The following NHS variants were observed in gnomAD, a reference collection of about 807,000 sequenced individuals.
NHS encodes actin remodeling regulator NHS.
A neutral mutation model predicts 72.5 loss-of-function variants in NHS; 5 were observed. The ratio of observed to expected loss-of-function variants is 0.07; its 90% CI spans 0.04 to 0.14. NHS has a LOEUF of 0.14. Among genes scored for constraint, NHS ranks in the 10% least tolerant of loss-of-function variants. The probability of loss-of-function intolerance (pLI) is 1.00; values close to 1 mark genes in which losing one functional copy is unlikely to be tolerated. For missense variants in NHS, 1,072 were observed against 1,355.7 expected, an observed-to-expected ratio of 0.79 and a Z score of 3.29; for synonymous variants, 464 against 547.7, an observed-to-expected ratio of 0.85 and a Z score of 2.13.
At chrX:17,687,283 C>G in intron 1 of NHS, 1 of 187,447 alleles carries the variant, frequency 5.3e-6, no homozygotes, top group Non-Finnish European at 1.0e-5. Context: ...TTCAGGTGGA[C>G]AGCAGGGGCG....
At chrX:17,495,818 G>T (rs766035534) in intron 1 of NHS, among the ~76,000 whole-genome samples, 79 of 111,964 alleles carry the variant, frequency 7.1e-4, no homozygotes, top group Admixed American at 6.9e-3. Context: ...ATAAGGAATT[G>T]GCTCCACTGG....
intron 1 of NHS, among the ~76,000 whole-genome samples, chrX:17,637,385 G>C (rs1213711800): frequency 9.0e-6 from 1 of 111,595 alleles, no homozygotes; most frequent in Non-Finnish European, 1.9e-5. Flanking sequence ...AGACCAGGAA[G>C]GGACTGGGCG....
intron 1 of NHS, among the ~76,000 whole-genome samples, chrX:17,671,770 A>G (rs2066047618): frequency 8.9e-6 from 1 of 112,229 alleles, no homozygotes; most frequent in Admixed American, 9.4e-5. Context: ...CATTTGTATA[A>G]TAGTAGTCTA....
At chrX:17,500,947 T>C (rs1272420588) in intron 1 of NHS, among the ~76,000 whole-genome samples, 1 of 49,844 alleles carries the variant, frequency 2.0e-5, no homozygotes, top group Non-Finnish European at 4.5e-5. Flanking sequence ...GTTGTGTAAA[T>C]TGCCTGTCAT....
In NHS at chrX:17,732,520, G is replaced by A. The variant is rs1204450088; in HGVS notation, c.*56G>A. 1 of 1,208,235 alleles carries A rather than the reference G, an allele frequency of 8.3e-7. No homozygotes were observed. The highest frequency in any genetic ancestry group is 1.1e-6 in the Non-Finnish European group (1 of 892,865). On this transcript the variant is annotated 3_prime_UTR_variant, in exon 9 of 9. Coordinates refer to ENST00000676302, the MANE Select transcript of NHS (RefSeq NM_001291867.2). ...CAAAACCCTTACTCACATGAGGATG[G>A]AGGAACAGAACAGAGGACTTGGGAA...
chrX:17,669,360 C>A (rs1440932076), intron 1 of NHS, among the ~76,000 whole-genome samples: 1 of 111,858 alleles, frequency 8.9e-6, no homozygotes, highest in Non-Finnish European at 1.9e-5. Flanking sequence ...AGAAGCAGGG[C>A]AGAAATCAGT....
rs768477538 is a variant in NHS at position 17,727,022 on chromosome X, C to T, written c.2916C>T (p.Thr972=). ...SLSNSSTATG[T]TVIECIKSPE... ...CTAATTCAAGCACCGCTACGGGTAC[C>T]ACAGTCATTGAATGCATCAAATCTC... The change falls in exon 7 of 9, where the codon ACC becomes ACT. Residue 972 remains threonine (T), a synonymous_variant. Transcript: ENST00000676302. 3.3e-6 allele frequency: 4 copies of T among 1,211,838 alleles called. No individual in the cohort carries two copies. Among genetic ancestry groups the T allele is most frequent in the East Asian group, 5.9e-5 (2 of 33,826 alleles).
intron 1 of NHS, among the ~76,000 whole-genome samples, chrX:17,566,047 C>T (rs930329314): frequency 3.7e-5 from 4 of 107,770 alleles, no homozygotes; most frequent in African/African-American, 6.8e-5. Flanking sequence ...GGTGTGATCA[C>T]GGCTCACTGC....
At chrX:17,474,211 G>A (rs1472857693) in intron 1 of NHS, among the ~76,000 whole-genome samples, 3 of 111,435 alleles carry the variant, frequency 2.7e-5, no homozygotes, top group African/African-American at 9.8e-5. Context: ...TGAGAAAAAT[G>A]GTGAATCCTT....
chrX:17,620,143 G>A (rs2065765828), intron 1 of NHS, among the ~76,000 whole-genome samples: 1 of 111,820 alleles, frequency 8.9e-6, no homozygotes, highest in African/African-American at 3.3e-5. Flanking sequence ...AAGGCAGGCT[G>A]TATTTTTTTT....
intron 1 of NHS, among the ~76,000 whole-genome samples, chrX:17,447,396 A>ATTT (rs780098067): frequency 3.7e-5 from 4 of 107,663 alleles, no homozygotes; most frequent in African/African-American, 1.0e-4. Flanking sequence ...GCGTTGGTTG[A>ATTT]TTTTTTTTTT....
In NHS at chrX:17,376,093, G is replaced by T; in HGVS notation, c.336G>T (p.Ala112=). ...AAPAAGEASS[A]AAAAAVLLML... is the part of the protein sequence containing the mutation. ...CCGCAGCCGGCGAGGCGTCCTCGGCGGCGGCGGCGGCGGCCGTGCTGCTCA... is the reference window on the plus strand; with the variant it reads ...CCGCAGCCGGCGAGGCGTCCTCGGCTGCGGCGGCGGCGGCCGTGCTGCTCA... Residue 112 remains alanine (A), a synonymous_variant, in exon 1 of 9, where the codon GCG becomes GCT. Coordinates refer to ENST00000676302, the MANE Select transcript of NHS (RefSeq NM_001291867.2). The T allele has an allele frequency of 9.2e-7, 1 of 1,083,428 alleles. No individual in the cohort carries two copies. Among genetic ancestry groups the T allele is most frequent in the South Asian group, 2.3e-5 (1 of 42,752 alleles). 89.3% of individuals were successfully genotyped at this position (1,083,428 alleles called of 1,213,427 possible). A position where few individuals can be genotyped will look rare whatever the true frequency, so the allele number is the denominator to read the frequency against.
chrX:17,570,995 C>G (rs1332100428), intron 1 of NHS, among the ~76,000 whole-genome samples: 3 of 112,110 alleles, frequency 2.7e-5, no homozygotes, highest in Non-Finnish European at 5.6e-5. Flanking sequence ...TATGTTGAAC[C>G]AGCCTTGCAT....
intron 1 of NHS, among the ~76,000 whole-genome samples, chrX:17,413,089 T>G (rs1261051387): frequency 1.8e-5 from 2 of 112,321 alleles, no homozygotes; most frequent in East Asian, 5.6e-4. Flanking sequence ...GTAGAATATG[T>G]GACTACCTGT....
chrX:17,601,008 G>A (rs148130589), intron 1 of NHS, among the ~76,000 whole-genome samples: 63 of 111,737 alleles, frequency 5.6e-4, no homozygotes, highest in East Asian at 1.7e-3. Flanking sequence ...CTGGTTTCAG[G>A]GTACGGAGAA....
At chrX:17,483,264 A>C (rs1329484143) in intron 1 of NHS, among the ~76,000 whole-genome samples, 1 of 112,236 alleles carries the variant, frequency 8.9e-6, no homozygotes, top group Non-Finnish European at 1.9e-5. Context: ...AAAAAATTCC[A>C]ATATTATAAT....
intron 1 of NHS, among the ~76,000 whole-genome samples, chrX:17,570,444 A>G (rs1601777850): frequency 8.9e-6 from 1 of 111,733 alleles, no homozygotes; most frequent in African/African-American, 3.3e-5. Flanking sequence ...GTGAATGGGA[A>G]TTCACTCATG....
intron 1 of NHS, among the ~76,000 whole-genome samples, chrX:17,607,970 G>A (rs545314324): frequency 7.1e-4 from 70 of 99,114 alleles, no homozygotes; most frequent in South Asian, 1.0e-3. Flanking sequence ...CCACGCTGGC[G>A]TTCAGTGGCA....
chrX:17,429,355 G>A (rs943879252), intron 1 of NHS, among the ~76,000 whole-genome samples: 33 of 111,148 alleles, frequency 3.0e-4, no homozygotes, highest in Non-Finnish European at 5.1e-4. Context: ...GATCCACGGC[G>A]TCATCAAGTA....
Sources: gnomAD v4.1 joint callset for allele counts (sites outside exome capture counted in the v4.1 genomes callset) on GRCh38, gnomAD v4.1.1 for gene constraint, MANE v1.5 for transcripts, NCBI Gene and HGNC (gene_info 2026-07-23, HGNC 2026-07-21) for gene names.